Variants in CEP126 observed in about 807,000 individuals in gnomAD.
CEP126 encodes centrosomal protein 126.
CEP126 carries 74 observed loss-of-function variants against 107.8 expected under a neutral mutation model. The ratio of observed to expected loss-of-function variants is 0.69; its 90% confidence interval spans 0.57 to 0.83. The LOEUF (loss-of-function observed/expected upper bound fraction) is 0.83, where lower values mean the gene tolerates loss of function less well. Ranked by LOEUF, CEP126 falls within the 40% of genes least tolerant of loss-of-function variation. The pLI, the probability that CEP126 is intolerant of heterozygous loss-of-function variation, is 0.00. For synonymous variants in CEP126, 449 were observed against 446.0 expected (o/e 1.01, Z -0.08); for missense variants, 1,237 against 1,281.9 (o/e 0.96, Z 0.53).
chr11:101,930,727 G>T (rs10750624), intron 2 of CEP126, among the ~76,000 whole-genome samples: 79,097 of 151,958 alleles, frequency 0.52, 21,004 homozygotes, highest in East Asian at 0.78. Context: ...TGCTGATTGG[G>T]GCATTACAAT....
chr11:101,992,951 G>T, intron 10 of CEP126, 109 bp downstream of exon 10: 4 of 1,083,302 alleles, frequency 3.7e-6, no homozygotes, highest in South Asian at 4.0e-5. Flanking sequence ...TCTTGGGATT[G>T]GTTTATAGAG....
Position 101,961,780 on chromosome 11 carries a change from AC to A in CEP126, c.748del (p.Leu250SerfsTer4). The A allele has an allele frequency of 1.9e-6, 3 of 1,562,448 alleles. No homozygotes were observed. The highest frequency in any genetic ancestry group is 2.6e-6 in the Non-Finnish European group (3 of 1,160,128). On this transcript the variant is annotated frameshift_variant, in exon 6 of 11. Transcript: ENST00000263468. LOFTEE classifies it high-confidence loss of function. ...AGTTAATCAGATAACCAATTCTGAAACCCTCTCAAGTATAGACAGTCTTGAG... is the reference window on the plus strand; with the variant it reads ...AGTTAATCAGATAACCAATTCTGAAACCTCTCAAGTATAGACAGTCTTGAG... ...DEVNQITNSE[T>X]LSSIDSLEAT...
intron 4 of CEP126, among the ~76,000 whole-genome samples, chr11:101,948,850 T>A (rs1298254274): frequency 6.6e-6 from 1 of 152,208 alleles, no homozygotes; most frequent in African/African-American, 2.4e-5. Flanking sequence ...ATTGCAATAA[T>A]ATATAAAATT....
Position 101,963,487 on chromosome 11 carries a change from G to T in CEP126, c.2452G>T (p.Val818Leu). 6.2e-7 allele frequency: 1 copy of T among 1,614,062 alleles called. No homozygotes were observed. Among genetic ancestry groups the T allele is most frequent in the Admixed American group, 1.7e-5 (1 of 60,012 alleles). ...TATTAGAAGTGGTAAAAATATACAA[G>T]TGTCTCAGTGTCAACCAGTAACTCC... ...SNIRSGKNIQ[V>L]SQCQPVTPEN... Residue 818 changes from valine to leucine, a missense_variant, in exon 6 of 11, where the codon GTG becomes TTG. Physicochemically the swap from Val to Leu is conservative, Grantham distance 32 (BLOSUM62 1). This residue lies in a region of CEP126 where 1,134 missense variants were observed against 1,150.5 expected (regional missense o/e 0.99). Transcript: ENST00000263468.
intron 10 of CEP126, among the ~76,000 whole-genome samples, chr11:101,994,099 G>A (rs1279409306): frequency 6.6e-6 from 1 of 152,164 alleles, no homozygotes; most frequent in Non-Finnish European, 1.5e-5. Flanking sequence ...GCCAGGCGTG[G>A]TGGTGTGCAC....
rs577577574 is a variant in CEP126, at chr11:101,983,733, T to C, written c.3034+1769T>C. Among the ~76,000 whole-genome samples, 3 of 152,178 alleles carry C rather than the reference T, an allele frequency of 2.0e-5. No individual in the cohort carries two copies. The South Asian group carries it at 6.2e-4, about 31-fold the overall frequency. The stretch of plus-strand genomic sequence containing the variant: ...TTTGGTGTTGTTACTCAAAAAAACA[T>C]TGACTATAGCTGATGAGACAGCCCC... On this transcript the variant is annotated intron_variant, in intron 8 of 10. Transcript: ENST00000263468.
At position 101,915,033 on chromosome 11, in the gene CEP126, G is replaced by A. The variant is rs1940167437; in HGVS notation, c.-252G>A. ...ACGCGCCGTCGGTTGTTGTCAAGATGGCGGCTGCAGGGTTGCTGCCGCCCC... is the reference window on the plus strand; with the variant it reads ...ACGCGCCGTCGGTTGTTGTCAAGATAGCGGCTGCAGGGTTGCTGCCGCCCC... On this transcript the variant is annotated 5_prime_UTR_variant, in exon 1 of 11. An upstream start codon of the reference 5' UTR is lost. Transcript: ENST00000263468. 2.3e-6 allele frequency: 1 copy of A among 432,952 alleles called. No homozygotes were observed. The highest frequency in any genetic ancestry group is 3.8e-5 in the Admixed American group (1 of 26,058). The allele number at this position is 432,952 out of a possible 1,614,324, so 26.8% of individuals were successfully genotyped here.
intron 6 of CEP126, 56 bp downstream of exon 6, chr11:101,963,936 T>C (rs1469317099): frequency 1.7e-6 from 2 of 1,171,570 alleles, no homozygotes; most frequent in South Asian, 1.5e-5. Flanking sequence ...GTTAAAGTCA[T>C]GTGAAATTGT....
At chr11:101,941,253 A>G (rs1371832220) in intron 2 of CEP126, among the ~76,000 whole-genome samples, 2 of 152,024 alleles carry the variant, frequency 1.3e-5, no homozygotes, top group African/African-American at 4.8e-5. Context: ...CCAAAACTTC[A>G]TCTTGCCCAA....
At chr11:101,972,061 A>T (rs1346315575) in intron 6 of CEP126, among the ~76,000 whole-genome samples, 2 of 151,704 alleles carry the variant, frequency 1.3e-5, no homozygotes, top group African/African-American at 4.8e-5. Flanking sequence ...TGAGCCAAGA[A>T]CATGCCACTG....
intron 2 of CEP126, 54 bp from the exon 3 acceptor site, chr11:101,944,211 T>A: frequency 6.9e-7 from 1 of 1,441,070 alleles, no homozygotes; most frequent in Non-Finnish European, 9.3e-7. Flanking sequence ...ATTTTGAAAC[T>A]ATTTTCTAAA....
rs1250074713 is a variant in CEP126, at chr11:101,963,690, T to G, written c.2655T>G (p.Thr885=). The change falls in exon 6 of 11, where the codon ACT becomes ACG. Residue 885 remains threonine (T), a synonymous_variant. Transcript: ENST00000263468. ...CATATTGTTCTTCAGAGTGCCAAAC[T>G]TTCGCAAAAATAAATCATTCAAATG... is the stretch of plus-strand genomic sequence containing the variant. The part of the protein sequence containing the change: ...LPSYCSSECQ[T]FAKINHSNGT... 1 of 1,614,000 alleles carries G rather than the reference T, an allele frequency of 6.2e-7. No individual in the cohort carries two copies. Among genetic ancestry groups the G allele is most frequent in the African/African-American group, 1.3e-5 (1 of 74,910 alleles).
chr11:101,927,437 T>C (rs182061224), intron 2 of CEP126, among the ~76,000 whole-genome samples: 1 of 152,186 alleles, frequency 6.6e-6, no homozygotes, highest in Non-Finnish European at 1.5e-5. Flanking sequence ...AATGATAACA[T>C]CTTGCAAAAC....
intron 2 of CEP126, among the ~76,000 whole-genome samples, chr11:101,925,955 A>C (rs1248730839): frequency 6.6e-6 from 1 of 151,482 alleles, no homozygotes; most frequent in Non-Finnish European, 1.5e-5. Context: ...GTGCCCAGCC[A>C]TCCATACTAT....
intron 9 of CEP126, among the ~76,000 whole-genome samples, chr11:101,990,783 A>G (rs770571411): frequency 9.6e-4 from 144 of 149,902 alleles, no homozygotes; most frequent in South Asian, 1.8e-3. Context: ...AGGCCAAAAC[A>G]TGGGGGCAGA....
At position 101,963,688 on chromosome 11, in the gene CEP126, A is replaced by C. The variant is rs778224800; in HGVS notation, c.2653A>C (p.Thr885Pro). Residue 885 changes from threonine (T) to proline (P), a missense_variant, in exon 6 of 11, where the codon ACT becomes CCT. Thr to Pro is a conservative substitution (Grantham distance 38). This residue lies in a region of CEP126 where 1,134 missense variants were observed against 1,150.5 expected (regional missense o/e 0.99). Transcript: ENST00000263468. Reference protein sequence around the residue: ...LPSYCSSECQTFAKINHSNGT... With the variant: ...LPSYCSSECQPFAKINHSNGT... The stretch of plus-strand genomic sequence containing the variant: ...ATCATATTGTTCTTCAGAGTGCCAA[A>C]CTTTCGCAAAAATAAATCATTCAAA... 2 of 1,614,126 alleles carry C rather than the reference A, an allele frequency of 1.2e-6. No individual in the cohort carries two copies. Among genetic ancestry groups the C allele is most frequent in the South Asian group, 1.1e-5 (1 of 91,076 alleles).
chr11:101,962,433 A>G lies in CEP126; in HGVS notation c.1398A>G (p.Pro466=), dbSNP rs763494744. Reference sequence around the variant, plus strand: ...CAGTGGCAACGCCTTTAGTTTTGCCATCTAATATACAGTCAGCTAGACCTT... The same window carrying G: ...CAGTGGCAACGCCTTTAGTTTTGCCGTCTAATATACAGTCAGCTAGACCTT... ...CVPVATPLVL[P]SNIQSARPSA... Residue 466 remains proline (P), a synonymous_variant, in exon 6 of 11, where the codon CCA becomes CCG. Transcript: ENST00000263468. The G allele has an allele frequency of 1.7e-5, 28 of 1,613,822 alleles. No individual in the cohort carries two copies. In the Middle Eastern group the frequency reaches 9.9e-4, roughly 57 times the overall value.
intron 2 of CEP126, among the ~76,000 whole-genome samples, chr11:101,925,892 T>C (rs1029597991): frequency 1.3e-5 from 2 of 150,022 alleles, no homozygotes; most frequent in Non-Finnish European, 3.0e-5. Context: ...TGGACTCAAG[T>C]GATCTGCCCA....
chr11:101,917,661 C>CATAA (rs1301270118), intron 1 of CEP126, among the ~76,000 whole-genome samples: 1 of 150,042 alleles, frequency 6.7e-6, no homozygotes, highest in Non-Finnish European at 1.5e-5. Flanking sequence ...TTTTTTTCCT[C>CATAA]ATAAATATCT....
Sources: gnomAD v4.1 joint callset for allele counts (sites outside exome capture counted in the v4.1 genomes callset) on GRCh38, gnomAD v4.1.1 for gene constraint, gnomAD v4.1.1 regional missense constraint, MANE v1.5 for transcripts, NCBI Gene and HGNC (gene_info 2026-07-23, HGNC 2026-07-21) for gene names.